The following FHAD1 variants were observed in gnomAD, a reference collection of about 807,000 sequenced individuals.
FHAD1 encodes the protein forkhead-associated domain-containing protein 1.
FHAD1 carries 146 observed loss-of-function variants against 191.3 expected under a neutral mutation model. The observed-to-expected ratio is 0.76, with a 90% CI of 0.67 to 0.88. The LOEUF (loss-of-function observed/expected upper bound fraction) is 0.88, where lower values mean the gene tolerates loss of function less well. FHAD1 is among the 40% of genes least tolerant of loss of function. The pLI is 0.00. For synonymous variants in FHAD1, 616 were observed against 672.3 expected, an observed-to-expected ratio of 0.92 and a Z score of 1.29; for missense variants, 1,635 against 1,785.8, an observed-to-expected ratio of 0.92 and a Z score of 1.52.
chr1:15,268,231 T>A (rs1654414814), intron 2 of FHAD1, among the ~76,000 whole-genome samples: 1 of 149,374 alleles, frequency 6.7e-6, no homozygotes, highest in South Asian at 2.1e-4. Context: ...CACCTATGAG[T>A]GAGAATATAC....
chr1:15,387,935 C>T (rs1702573095), intron 31 of FHAD1, 116 bp from the exon 32 acceptor site: 1 of 428,786 alleles, frequency 2.3e-6, no homozygotes. Context: ...CTTCTGCCCA[C>T]CTATCTCAGT....
intron 16 of FHAD1, among the ~76,000 whole-genome samples, chr1:15,344,386 TGTTGACAACAATCCCTTG>T (rs1302357386): frequency 1.3e-5 from 2 of 152,252 alleles, no homozygotes; most frequent in Admixed American, 6.5e-5. Flanking sequence ...TATTGCCAGT[TGTTGACAACAATCCCTTG>T]GTTTGTGCAC....
intron 8 of FHAD1, among the ~76,000 whole-genome samples, chr1:15,314,061 AAATAATAATAATAATAAT>A (rs59696318): frequency 1.7e-4 from 25 of 146,282 alleles, no homozygotes; most frequent in Admixed American, 3.4e-4. Context: ...ACTCCGTCTC[AAATAATAATAATAATAAT>A]AATAATAATA....
chr1:15,322,428 T>C (rs1463994029), intron 10 of FHAD1, among the ~76,000 whole-genome samples: 1 of 152,208 alleles, frequency 6.6e-6, no homozygotes, highest in Non-Finnish European at 1.5e-5. Flanking sequence ...CTGTTTACAG[T>C]TGAGGGAGTC....
Position 15,289,875 on chromosome 1 carries a change from C to T in FHAD1, c.568+209C>T, listed in dbSNP as rs74053879. ...GGGTCTCCCTATTGACTCTCTGCTGCGTATCCCTCCAGCCTCTGTGCTGTG... is the reference window on the plus strand; with the variant it reads ...GGGTCTCCCTATTGACTCTCTGCTGTGTATCCCTCCAGCCTCTGTGCTGTG... On this transcript the variant is annotated intron_variant, in intron 4 of 33. Coordinates refer to ENST00000688493, the MANE Select transcript of FHAD1 (RefSeq NM_001391957.1). This position sits in a 1 kb window ranked among gnomAD's most constrained non-coding sequence, Gnocchi z 4.2. Among the ~76,000 whole-genome samples the T allele has an allele frequency of 0.022, 3,402 of 152,286 alleles. 130 individuals carry two copies. The highest frequency in any genetic ancestry group is 0.077 in the African/African-American group (3,214 of 41,540).
intron 20 of FHAD1, among the ~76,000 whole-genome samples, chr1:15,353,455 A>G (rs1013375067): frequency 2.6e-5 from 4 of 152,124 alleles, no homozygotes; most frequent in Non-Finnish European, 5.9e-5. Flanking sequence ...ATGTAATCCC[A>G]GCATTTTGGG....
intron 14 of FHAD1, chr1:15,330,003 T>G: frequency 6.4e-6 from 1 of 155,384 alleles, no homozygotes; most frequent in Non-Finnish European, 1.4e-5. Context: ...TGGCACACAA[T>G]AGGCATTACT....
chr1:15,264,312 G>A (rs959897564), intron 2 of FHAD1, among the ~76,000 whole-genome samples: 43 of 151,778 alleles, frequency 2.8e-4, no homozygotes, highest in African/African-American at 9.7e-4. Context: ...AATTTCTTTC[G>A]GCAACATTGT....
In FHAD1 at chr1:15,313,425, G is replaced by A. The variant is rs550458698; in HGVS notation, c.1170+238G>A. ...CATTCTTTGCACCTTTTCAAAGATC[G>A]GCGTGCACGTGCCCCAGAATAAGCA... On this transcript the variant is annotated intron_variant, in intron 8 of 33. Transcript: ENST00000688493. 1.2e-4 allele frequency among the ~76,000 whole-genome samples: 18 copies of A among 152,268 alleles called. No homozygotes were observed. In the South Asian group the frequency reaches 1.2e-3, roughly 11 times the overall value.
At chr1:15,387,840 G>A (rs1167438735) in intron 31 of FHAD1, among the ~76,000 whole-genome samples, 4 of 152,146 alleles carry the variant, frequency 2.6e-5, no homozygotes, top group Admixed American at 1.3e-4. Flanking sequence ...AGCCATCGTC[G>A]TGCCACTGCA....
intron 19 of FHAD1, among the ~76,000 whole-genome samples, chr1:15,352,563 T>G (rs2102486668): frequency 6.6e-6 from 1 of 152,296 alleles, no homozygotes; most frequent in Non-Finnish European, 1.5e-5. Context: ...CATGCCAGTT[T>G]ATTTAGTAAC....
rs201999060 is a variant in FHAD1, at chr1:15,313,055, A to G, written c.1040-2A>G. 1,871 of 1,551,420 alleles carry G rather than the reference A, an allele frequency of 1.2e-3. 1 individual carries two copies. Among genetic ancestry groups the G allele is most frequent in the Non-Finnish European group, 1.5e-3 (1,731 of 1,146,854 alleles). ...GACCTCTGCGAGTCTTCTTTTTTAC[A>G]GGGATGGTGTCATCTTTGCAAAAAG... On this transcript the variant is annotated splice_acceptor_variant, in intron 7 of 33. Transcript: ENST00000688493. LOFTEE classifies it high-confidence loss of function.
chr1:15,269,790 G>A (rs56388951), intron 2 of FHAD1, among the ~76,000 whole-genome samples: 92,377 of 151,968 alleles, frequency 0.61, 28,377 homozygotes, highest in East Asian at 0.83. Context: ...GGGCTTATCT[G>A]TTTTTCTTTG....
chr1:15,390,288 T>G (rs1306780722), intron 32 of FHAD1, among the ~76,000 whole-genome samples: 1 of 136,662 alleles, frequency 7.3e-6, no homozygotes, highest in East Asian at 2.1e-4. Context: ...AAGGTTGCAG[T>G]GAGCCGAGAT....
chr1:15,368,438 C>T (rs1298839670), intron 25 of FHAD1, among the ~76,000 whole-genome samples: 4 of 152,144 alleles, frequency 2.6e-5, no homozygotes, highest in South Asian at 2.1e-4. Context: ...TGTCATTGTC[C>T]CATGGGTTCA....
chr1:15,265,916 A>T (rs1244657403), intron 2 of FHAD1, among the ~76,000 whole-genome samples: 1 of 143,210 alleles, frequency 7.0e-6, no homozygotes, highest in African/African-American at 2.6e-5. Flanking sequence ...GGTTGCAGTG[A>T]GCCAGGATTG....
At chr1:15,313,791 C>T (rs542435253) in intron 8 of FHAD1, among the ~76,000 whole-genome samples, 2 of 152,214 alleles carry the variant, frequency 1.3e-5, no homozygotes, top group Admixed American at 1.3e-4. Flanking sequence ...ATTTTGAGGC[C>T]AGGCACGGTG....
At chr1:15,376,064 TA>T (rs1699505871) in intron 28 of FHAD1, among the ~76,000 whole-genome samples, 11 of 88,210 alleles carry the variant, frequency 1.2e-4, no homozygotes, top group African/African-American at 5.3e-4. Flanking sequence ...TTTATTTATT[TA>T]TTTATTTATT....
intron 2 of FHAD1, among the ~76,000 whole-genome samples, chr1:15,256,727 G>C (rs1204390120): frequency 1.3e-5 from 2 of 151,562 alleles, no homozygotes; most frequent in Non-Finnish European, 2.9e-5. Context: ...CCTACACCGA[G>C]GAGATTTCAG....
Sources: gnomAD v4.1 joint callset for allele counts (sites outside exome capture counted in the v4.1 genomes callset) on GRCh38, gnomAD v4.1.1 for gene constraint, Gnocchi (gnomAD v3.1) non-coding constraint, MANE v1.5 for transcripts, NCBI Gene and HGNC (gene_info 2026-07-23, HGNC 2026-07-21) for gene names.